The following LIN9 variants were observed in gnomAD, a reference collection of about 807,000 sequenced individuals.
LIN9 encodes protein lin-9 homolog.
A neutral mutation model predicts 78.0 loss-of-function variants in LIN9; 18 were observed. The ratio of observed to expected loss-of-function variants is 0.23; its 90% CI spans 0.16 to 0.34. The LOEUF (loss-of-function observed/expected upper bound fraction) is 0.34. LIN9 is among the 10% of genes least tolerant of loss of function. LIN9 has a pLI of 1.00. For missense variants in LIN9, 451 were observed against 644.1 expected (o/e 0.70, Z 3.25); for synonymous variants, 192 against 215.2 (o/e 0.89, Z 0.94).
intron 12 of LIN9, among the ~76,000 whole-genome samples, chr1:226,234,412 G>A (rs1321502533): frequency 6.6e-6 from 1 of 152,122 alleles, no homozygotes; most frequent in Non-Finnish European, 1.5e-5. Context: ...AACCCATACT[G>A]ACATAACTTT....
At chr1:226,309,319 G>A (rs1415088058), upstream of LIN9, 8 of 1,011,654 alleles carry the variant, frequency 7.9e-6, no homozygotes, top group Admixed American at 6.0e-5. Flanking sequence ...CGGGGAGGAG[G>A]TGCCGCCGAA....
intron 1 of LIN9, among the ~76,000 whole-genome samples, chr1:226,302,226 A>C (rs1420831600): frequency 1.3e-5 from 2 of 152,162 alleles, no homozygotes; most frequent in African/African-American, 4.8e-5. Flanking sequence ...GAATTATAGG[A>C]TCTATGGGTA....
intron 4 of LIN9, among the ~76,000 whole-genome samples, chr1:226,293,963 G>C (rs1445530973): frequency 6.6e-6 from 1 of 152,062 alleles, no homozygotes; most frequent in Non-Finnish European, 1.5e-5. Context: ...AGGCATTTAA[G>C]AGTTTTTATT....
In LIN9 at chr1:226,289,838, G is replaced by GGT. The variant is rs1553283396; in HGVS notation, c.265-2042_265-2041insAC. On this transcript the variant is annotated intron_variant, in intron 4 of 14. Coordinates refer to ENST00000681046, the MANE Select transcript of LIN9 (RefSeq NM_001366245.2). ...TAGGACAACTAAGTAGTCCTCCGGG[G>GGT]GGGGGGGTGGGGGGGGGTGGGAAAG... Among the ~76,000 whole-genome samples the GGT allele has an allele frequency of 5.1e-5, 3 of 59,168 alleles. 1 individual carries two copies. Among genetic ancestry groups the GGT allele is most frequent in the Non-Finnish European group, 1.1e-4 (3 of 28,050 alleles). The allele number at this position is 59,168 out of a possible 152,430, so 38.8% of individuals were successfully genotyped here.
chr1:226,262,147 A>G (rs527304609), intron 10 of LIN9, among the ~76,000 whole-genome samples: 1 of 152,226 alleles, frequency 6.6e-6, no homozygotes, highest in South Asian at 2.1e-4. Flanking sequence ...ACAAACATAG[A>G]TGTAAAATCC....
At chr1:226,286,675 G>T (rs150272232) in intron 5 of LIN9, among the ~76,000 whole-genome samples, 1 of 152,312 alleles carries the variant, frequency 6.6e-6, no homozygotes, top group African/African-American at 2.4e-5. Flanking sequence ...GATTCCAAGA[G>T]ACACTGATTT....
upstream of LIN9, chr1:226,309,698 C>T (rs1466781773): frequency 7.8e-7 from 1 of 1,287,260 alleles, no homozygotes; most frequent in Non-Finnish European, 1.0e-6. Context: ...CGCAGCAGCC[C>T]CCTGCGCGTC....
chr1:226,304,393 C>CA (rs1291229612), intron 1 of LIN9, among the ~76,000 whole-genome samples: 21 of 152,172 alleles, frequency 1.4e-4, no homozygotes, highest in Non-Finnish European at 2.1e-4. Context: ...GAATGCCTAC[C>CA]ATAAGCACTG....
chr1:226,249,217 C>T (rs1471982840), intron 11 of LIN9, among the ~76,000 whole-genome samples: 2 of 151,986 alleles, frequency 1.3e-5, no homozygotes, highest in South Asian at 2.1e-4. Context: ...GAAAAGGCAT[C>T]GAATATAAAG....
chr1:226,256,535 C>T (rs1659202782), intron 10 of LIN9, among the ~76,000 whole-genome samples: 2 of 150,628 alleles, frequency 1.3e-5, no homozygotes, highest in Admixed American at 1.3e-4. Context: ...CTTATCTCTA[C>T]AATAATAAAT....
Position 226,265,508 on chromosome 1 carries a change from C to A in LIN9, c.1038+25G>T, listed in dbSNP as rs111392191. 3.5e-6 allele frequency: 5 copies of A among 1,442,168 alleles called. No homozygotes were observed. The highest frequency in any genetic ancestry group is 4.8e-6 in the Non-Finnish European group (5 of 1,033,106). 89.3% of individuals were successfully genotyped at this position (1,442,168 alleles called of 1,614,324 possible). A position where few individuals can be genotyped will look rare whatever the true frequency, so the allele number is the denominator to read the frequency against. Reference sequence around the variant, plus strand: ...AGGCATTGAGTTTTTAAACAAACAGCCAAGATATTCAGAACAATTCTTACC... The same window carrying A: ...AGGCATTGAGTTTTTAAACAAACAGACAAGATATTCAGAACAATTCTTACC... On this transcript the variant is annotated intron_variant, in intron 10 of 14. Transcript: ENST00000681046. This position sits in a 1 kb window ranked among gnomAD's most constrained non-coding sequence, Gnocchi z 4.1.
chr1:226,283,167 C>T (rs992673781), intron 6 of LIN9, among the ~76,000 whole-genome samples: 2 of 152,026 alleles, frequency 1.3e-5, no homozygotes, highest in African/African-American at 4.8e-5. Flanking sequence ...TGTTCTGTTG[C>T]CCAGGCTTGA....
chr1:226,288,816 C>CTA (rs972998896), intron 4 of LIN9, among the ~76,000 whole-genome samples: 1 of 152,078 alleles, frequency 6.6e-6, no homozygotes, highest in Non-Finnish European at 1.5e-5. Flanking sequence ...TCAATGTTAC[C>CTA]TATATATATC....
intron 4 of LIN9, among the ~76,000 whole-genome samples, chr1:226,290,755 T>C (rs989164970): frequency 6.6e-6 from 1 of 152,120 alleles, no homozygotes; most frequent in African/African-American, 2.4e-5. Flanking sequence ...ATTTCTTTCC[T>C]TTTTTTAAAA....
intron 8 of LIN9, 97 bp downstream of exon 8, chr1:226,267,858 TAA>T (rs1660031153): frequency 7.9e-7 from 1 of 1,266,004 alleles, no homozygotes; most frequent in East Asian, 2.5e-5. Context: ...CTCTGTGAGA[TAA>T]AGTCTTGATT....
chr1:226,253,812 G>A (rs751438286), intron 10 of LIN9, among the ~76,000 whole-genome samples: 13 of 152,040 alleles, frequency 8.6e-5, no homozygotes, highest in Non-Finnish European at 1.6e-4. Flanking sequence ...CTACTCAGAA[G>A]GCTGAGGCAG....
At chr1:226,260,194 T>C (rs898544761) in intron 10 of LIN9, among the ~76,000 whole-genome samples, 11 of 152,168 alleles carry the variant, frequency 7.2e-5, no homozygotes, top group African/African-American at 2.7e-4. Context: ...AGTCAATAAT[T>C]AACCTTCCAA....
At chr1:226,248,573 A>G (rs1167043300) in intron 11 of LIN9, among the ~76,000 whole-genome samples, 3 of 152,228 alleles carry the variant, frequency 2.0e-5, no homozygotes, top group Non-Finnish European at 4.4e-5. Flanking sequence ...TTAGCATTAT[A>G]TTAATAAAAT....
intron 12 of LIN9, among the ~76,000 whole-genome samples, chr1:226,236,737 G>A (rs145736227): frequency 1.6e-3 from 246 of 152,268 alleles, no homozygotes; most frequent in African/African-American, 4.7e-3. Context: ...GATTACAGGC[G>A]TGAGCCACCG....
Sources: allele counts gnomAD v4.1 joint callset (sites outside exome capture counted in the v4.1 genomes callset), GRCh38; gene constraint gnomAD v4.1.1; non-coding constraint Gnocchi (gnomAD v3.1); transcripts MANE v1.5; gene names NCBI Gene and HGNC (gene_info 2026-07-23, HGNC 2026-07-21).